Variants in ATP8A2 observed in about 807,000 individuals in gnomAD.
ATP8A2 encodes the protein phospholipid-transporting ATPase IB.
In ATP8A2, 100 loss-of-function variants were observed where a neutral mutation model predicts 165.6. The observed-to-expected ratio is 0.60, with a 90% CI of 0.51 to 0.71. The LOEUF (loss-of-function observed/expected upper bound fraction) is 0.71. Ranked by LOEUF, ATP8A2 falls within the 30% of genes least tolerant of loss-of-function variation. The pLI is 0.00. For synonymous variants in ATP8A2, 543 were observed against 548.8 expected, an observed-to-expected ratio of 0.99 and a Z score of 0.15; for missense variants, 1,227 against 1,479.5, an observed-to-expected ratio of 0.83 and a Z score of 2.80.
chr13:25,507,544 G>A (rs143435475), intron 2 of ATP8A2, among the ~76,000 whole-genome samples: 328 of 152,154 alleles, frequency 2.2e-3, no homozygotes, highest in South Asian at 0.012. Context: ...AGGATTACAG[G>A]TGTCAGCCAC....
intron 24 of ATP8A2, among the ~76,000 whole-genome samples, chr13:25,618,090 G>A (rs185960580): frequency 7.2e-5 from 11 of 152,246 alleles, no homozygotes; most frequent in African/African-American, 2.6e-4. Flanking sequence ...TAAGCTATTT[G>A]ACCTATTTGA....
intron 33 of ATP8A2, among the ~76,000 whole-genome samples, chr13:25,941,416 C>T (rs1168236828): frequency 6.6e-6 from 1 of 152,118 alleles, no homozygotes; most frequent in Non-Finnish European, 1.5e-5. Context: ...ATGGCCTAAA[C>T]CCAAGCACAC....
At chr13:25,983,429 C>G (rs769432631) in intron 35 of ATP8A2, among the ~76,000 whole-genome samples, 1 of 152,134 alleles carries the variant, frequency 6.6e-6, no homozygotes, top group Non-Finnish European at 1.5e-5. Flanking sequence ...AAACCATTAA[C>G]CATTGACATT....
chr13:25,625,285 A>T (rs2041072892), intron 24 of ATP8A2, among the ~76,000 whole-genome samples: 1 of 152,226 alleles, frequency 6.6e-6, no homozygotes, highest in Admixed American at 6.5e-5. Flanking sequence ...GGAAGAACAA[A>T]TGCAGTTTTT....
intron 27 of ATP8A2, among the ~76,000 whole-genome samples, chr13:25,785,001 G>T (rs1231755267): frequency 2.0e-5 from 3 of 151,950 alleles, no homozygotes; most frequent in African/African-American, 7.2e-5. Context: ...CTAGCCTCAT[G>T]ATCTGCCTGC....
intron 25 of ATP8A2, among the ~76,000 whole-genome samples, chr13:25,751,026 T>C (rs775417188): frequency 3.3e-5 from 5 of 152,206 alleles, no homozygotes; most frequent in Non-Finnish European, 7.3e-5. Context: ...TAGTACTGCG[T>C]CTTTGGTGGA....
At chr13:25,519,793 A>C (rs1367108253) in intron 2 of ATP8A2, among the ~76,000 whole-genome samples, 1 of 152,026 alleles carries the variant, frequency 6.6e-6, no homozygotes, top group African/African-American at 2.4e-5. Flanking sequence ...GGGGTGGCTT[A>C]TTTACTTGGG....
intron 1 of ATP8A2, among the ~76,000 whole-genome samples, chr13:25,374,273 T>C (rs546896985): frequency 2.0e-5 from 3 of 152,316 alleles, no homozygotes; most frequent in African/African-American, 7.2e-5. Flanking sequence ...GCTGGAGAAC[T>C]GTCATGTAAG....
chr13:25,853,909 C>T (rs1015335877), intron 30 of ATP8A2, among the ~76,000 whole-genome samples: 2 of 152,162 alleles, frequency 1.3e-5, no homozygotes, highest in African/African-American at 4.8e-5. Flanking sequence ...TTAGAGATAA[C>T]TCAGTTGTCA....
intron 33 of ATP8A2, among the ~76,000 whole-genome samples, chr13:25,898,007 G>A (rs1274211683): frequency 6.6e-6 from 1 of 152,134 alleles, no homozygotes; most frequent in East Asian, 1.9e-4. Flanking sequence ...GGAGAAGTTT[G>A]ATCTTCTGAA....
intron 24 of ATP8A2, among the ~76,000 whole-genome samples, chr13:25,680,818 T>C (rs2042470956): frequency 6.6e-6 from 1 of 152,214 alleles, no homozygotes; most frequent in African/African-American, 2.4e-5. Context: ...CCCAGGCTTG[T>C]CAGTTCCTGG....
At position 25,531,387 on chromosome 13, in the gene ATP8A2, TA is replaced by T. The variant is rs1476516648; in HGVS notation, c.420+728del. Among the ~76,000 whole-genome samples the T allele has an allele frequency of 4.1e-4, 27 of 66,518 alleles. 1 individual carries two copies. Among genetic ancestry groups the T allele is most frequent in the East Asian group, 2.5e-3 (12 of 4,752 alleles). The allele number at this position is 66,518 out of a possible 152,430, so 43.6% of individuals were successfully genotyped here. On this transcript the variant is annotated intron_variant, in intron 4 of 36. Coordinates refer to ENST00000381655, the MANE Select transcript of ATP8A2 (RefSeq NM_016529.6). ...TGATATATATATGTTATATATATGA[TA>T]TATATATGATTATATATATGATTAT... is the stretch of plus-strand genomic sequence containing the variant.
At chr13:25,425,738 C>T (rs2034431388) in intron 1 of ATP8A2, among the ~76,000 whole-genome samples, 1 of 152,108 alleles carries the variant, frequency 6.6e-6, no homozygotes, top group Non-Finnish European at 1.5e-5. Flanking sequence ...CCACGCCCGG[C>T]TAATTTTTTG....
At chr13:25,407,985 C>T (rs1046273585) in intron 1 of ATP8A2, among the ~76,000 whole-genome samples, 5 of 152,170 alleles carry the variant, frequency 3.3e-5, no homozygotes, top group Admixed American at 2.0e-4. Flanking sequence ...ACCTCGATGA[C>T]GGGTTGGTCA....
chr13:25,866,289 C>T (rs559844615), intron 33 of ATP8A2, among the ~76,000 whole-genome samples: 2 of 152,252 alleles, frequency 1.3e-5, no homozygotes, highest in Admixed American at 1.3e-4. Flanking sequence ...ATCTCCTAAT[C>T]AGCAAAGTCA....
intron 24 of ATP8A2, among the ~76,000 whole-genome samples, chr13:25,599,275 A>G (rs555288885): frequency 6.6e-6 from 1 of 152,228 alleles, no homozygotes; most frequent in Admixed American, 6.5e-5. Context: ...GCATTCTCTA[A>G]CATTCTTTGT....
intron 6 of ATP8A2, chr13:25,534,031 G>C (rs1301701683): frequency 4.6e-6 from 2 of 432,458 alleles, no homozygotes; most frequent in Non-Finnish European, 9.2e-6. Flanking sequence ...CTTTTTAGAA[G>C]GGTAACTTGA....
intron 33 of ATP8A2, among the ~76,000 whole-genome samples, chr13:25,906,936 A>G (rs1566257808): frequency 6.6e-6 from 1 of 152,216 alleles, no homozygotes; most frequent in African/African-American, 2.4e-5. Flanking sequence ...AACAAATGAT[A>G]GCTTTGAAAA....
At chr13:25,872,433 A>G (rs1384159747) in intron 33 of ATP8A2, among the ~76,000 whole-genome samples, 1 of 152,194 alleles carries the variant, frequency 6.6e-6, no homozygotes, top group African/African-American at 2.4e-5. Context: ...AGCTAGAGCC[A>G]TCTCTGACCT....
Sources: allele counts gnomAD v4.1 joint callset (sites outside exome capture counted in the v4.1 genomes callset), GRCh38; gene constraint gnomAD v4.1.1; transcripts MANE v1.5; gene names NCBI Gene and HGNC (gene_info 2026-07-23, HGNC 2026-07-21).